SOX6: variants seen among roughly 807,000 people sequenced by gnomAD.
The protein encoded by SOX6 is SRY-box transcription factor 6.
A neutral mutation model predicts 97.8 loss-of-function variants in SOX6; 11 were observed. The observed-to-expected ratio is 0.11, with a 90% confidence interval of 0.07 to 0.19. SOX6 has a LOEUF of 0.19. Among genes scored for constraint, SOX6 ranks in the 10% least tolerant of loss-of-function variants. SOX6 has a pLI of 1.00. For missense variants in SOX6, 810 were observed against 1,039.5 expected, an observed-to-expected ratio of 0.78 and a Z score of 3.04; for synonymous variants, 360 against 371.4, an observed-to-expected ratio of 0.97 and a Z score of 0.35.
At chr11:16,349,703 AGGAAGGAAGGAAGAAGGAAGGAAGGAAG>A (rs1165151816) in intron 1 of SOX6, among the ~76,000 whole-genome samples, 8 of 70,362 alleles carry the variant, frequency 1.1e-4, no homozygotes, top group South Asian at 6.4e-4. Context: ...GAAGGAAGGA[AGGAAGGAAGGAAGAAGGAAGGAAGGAAG>A]GAAGGAAGGA....
At chr11:16,273,140 T>A (rs1477409460) in intron 3 of SOX6, among the ~76,000 whole-genome samples, 1 of 149,954 alleles carries the variant, frequency 6.7e-6, no homozygotes, top group African/African-American at 2.4e-5. Flanking sequence ...AGAAAAAAAA[T>A]TACCAACAGC....
At chr11:16,135,235 C>T (rs1849930853) in intron 6 of SOX6, among the ~76,000 whole-genome samples, 1 of 152,144 alleles carries the variant, frequency 6.6e-6, no homozygotes, top group African/African-American at 2.4e-5. Flanking sequence ...TGGAGATACA[C>T]ATGGAGATTA....
intron 6 of SOX6, among the ~76,000 whole-genome samples, chr11:16,135,350 T>C (rs1361138305): frequency 6.6e-6 from 1 of 152,224 alleles, no homozygotes; most frequent in Admixed American, 6.5e-5. Flanking sequence ...TTCATAAGGC[T>C]ATAGCTTTCA....
At chr11:16,718,669 G>C (rs551967357) in intron 2 of SOX6, among the ~76,000 whole-genome samples, 1 of 152,116 alleles carries the variant, frequency 6.6e-6, no homozygotes, top group Non-Finnish European at 1.5e-5. Context: ...CCTGAGTGGT[G>C]AGATTATAAA....
intron 1 of SOX6, among the ~76,000 whole-genome samples, chr11:16,473,634 C>A (rs2133118159): frequency 6.6e-6 from 1 of 151,422 alleles, no homozygotes; most frequent in Non-Finnish European, 1.5e-5. Context: ...TCACTGCAAC[C>A]TCCGCCTCCT....
intron 2 of SOX6, among the ~76,000 whole-genome samples, chr11:16,327,669 A>G (rs931348969): frequency 1.3e-5 from 2 of 152,100 alleles, no homozygotes; most frequent in Non-Finnish European, 2.9e-5. Flanking sequence ...GACCATACCT[A>G]GACAAGGAAT....
intron 6 of SOX6, among the ~76,000 whole-genome samples, chr11:16,115,108 G>C (rs562543825): frequency 1.3e-5 from 2 of 152,220 alleles, no homozygotes; most frequent in Admixed American, 1.3e-4. Context: ...TAGCCCAGAG[G>C]CTATTCAATA....
At chr11:16,271,161 A>G (rs888282894) in intron 3 of SOX6, among the ~76,000 whole-genome samples, 1 of 151,258 alleles carries the variant, frequency 6.6e-6, no homozygotes, top group African/African-American at 2.4e-5. Flanking sequence ...TTTTTTCCTT[A>G]GATCCATAAA....
chr11:16,570,429 T>A lies in SOX6; in HGVS notation n.609+41652A>T, dbSNP rs116905372. Among the ~76,000 whole-genome samples the A allele has an allele frequency of 6.7e-3, 1,013 of 152,284 alleles. 2 individuals are homozygous for A. Among genetic ancestry groups the A allele is most frequent in the Non-Finnish European group, 0.011 (748 of 68,016 alleles). ...AAACTTGTATTTAAAAAGAAAACTA[T>A]GTATTTTAAATGTCCAACTAATTCT... On this transcript the variant is annotated intron_variant and non_coding_transcript_variant, in intron 4 of 5. Coordinates refer to the SOX6 transcript ENST00000524520.
intron 3 of SOX6, among the ~76,000 whole-genome samples, chr11:16,293,271 T>A (rs1180193564): frequency 6.6e-6 from 1 of 152,130 alleles, no homozygotes; most frequent in Non-Finnish European, 1.5e-5. Context: ...ACTTTAGCCT[T>A]TTGTAATAGT....
In SOX6 at chr11:16,407,746, G is replaced by A. The variant is rs74439800; in HGVS notation, c.-4-66494C>T. 1.7e-4 allele frequency among the ~76,000 whole-genome samples: 26 copies of A among 152,214 alleles called. No homozygotes were observed. The East Asian group carries it at 4.7e-3, about 27-fold the overall frequency. ...CATTTGAGCCAGCCCTGACAATGAGGTTGCCAAAGCTAGCACTAACACCCG... is the reference window on the plus strand; with the variant it reads ...CATTTGAGCCAGCCCTGACAATGAGATTGCCAAAGCTAGCACTAACACCCG... On this transcript the variant is annotated intron_variant, in intron 1 of 15. Transcript: ENST00000396356.
intron 4 of SOX6, among the ~76,000 whole-genome samples, chr11:16,596,025 C>T (rs1192376753): frequency 1.3e-5 from 2 of 152,040 alleles, no homozygotes; most frequent in Non-Finnish European, 2.9e-5. Context: ...ACCAACTTTG[C>T]CATTGGAAAA....
At chr11:16,038,390 T>C (rs1855571404) in intron 12 of SOX6, among the ~76,000 whole-genome samples, 1 of 151,218 alleles carries the variant, frequency 6.6e-6, no homozygotes, top group Non-Finnish European at 1.5e-5. Flanking sequence ...TTTGCTCTTA[T>C]CAACAAACTT....
chr11:16,311,143 A>G (rs2134289715), intron 3 of SOX6: 1 of 152,258 alleles, frequency 6.6e-6, no homozygotes, highest in African/African-American at 2.4e-5. Flanking sequence ...TTGCTCTTCC[A>G]GAACACAAGA....
At chr11:16,032,170 A>G (rs60900176) in intron 12 of SOX6, among the ~76,000 whole-genome samples, 2 of 152,246 alleles carry the variant, frequency 1.3e-5, no homozygotes, top group East Asian at 3.9e-4. Flanking sequence ...AAGAGCAAAG[A>G]GTAAGACATG....
At chr11:16,252,614 T>C (rs1853548413) in intron 3 of SOX6, 1 of 152,034 alleles carries the variant, frequency 6.6e-6, no homozygotes. Context: ...GGGGAGGAGA[T>C]TAAGAAGCAT....
chr11:16,302,411 T>C (rs1231542952), intron 3 of SOX6, among the ~76,000 whole-genome samples: 1 of 152,092 alleles, frequency 6.6e-6, no homozygotes, highest in Non-Finnish European at 1.5e-5. Context: ...ACTTTGTACA[T>C]GCTGTTCTCT....
chr11:16,225,031 C>T (rs1226043709), intron 4 of SOX6, among the ~76,000 whole-genome samples: 1 of 151,966 alleles, frequency 6.6e-6, no homozygotes, highest in African/African-American at 2.4e-5. Context: ...AAAATACTGG[C>T]AAACATTATT....
At chr11:16,040,586 T>C (rs978582177) in intron 12 of SOX6, among the ~76,000 whole-genome samples, 2 of 152,090 alleles carry the variant, frequency 1.3e-5, no homozygotes, top group African/African-American at 4.8e-5. Flanking sequence ...CAAAGAAATA[T>C]GTATGAAGCA....
Sources: gnomAD v4.1 joint callset for allele counts (sites outside exome capture counted in the v4.1 genomes callset) on GRCh38, gnomAD v4.1.1 for gene constraint, MANE v1.5 for transcripts, NCBI Gene and HGNC (gene_info 2026-07-23, HGNC 2026-07-21) for gene names.